ATF7IP: variants seen among roughly 807,000 people sequenced by gnomAD.
ATF7IP encodes the protein activating transcription factor 7 interacting protein.
ATF7IP carries 23 observed loss-of-function variants against 106.4 expected under a neutral mutation model. The ratio of observed to expected loss-of-function variants is 0.22; its 90% CI spans 0.16 to 0.31. The LOEUF (loss-of-function observed/expected upper bound fraction) is 0.31. ATF7IP is among the 10% of genes least tolerant of loss of function. The probability of loss-of-function intolerance (pLI) is 1.00; values close to 1 mark genes in which losing one functional copy is unlikely to be tolerated. For synonymous variants in ATF7IP, 542 were observed against 539.0 expected, an observed-to-expected ratio of 1.01 and a Z score of -0.08; for missense variants, 1,334 against 1,524.3, an observed-to-expected ratio of 0.88 and a Z score of 2.08.
At chr12:14,403,422 G>A (rs1482629258) in intron 1 of ATF7IP, among the ~76,000 whole-genome samples, 1 of 152,052 alleles carries the variant, frequency 6.6e-6, no homozygotes, top group Non-Finnish European at 1.5e-5. Flanking sequence ...TTGCCTCCTG[G>A]CCTTAATGAT....
At chr12:14,373,307 TG>T (rs1417874948) in intron 1 of ATF7IP, among the ~76,000 whole-genome samples, 2 of 54,914 alleles carry the variant, frequency 3.6e-5, no homozygotes, top group South Asian at 1.3e-3. Context: ...AGATGACACA[TG>T]TTTTTTTCTC....
At chr12:14,395,800 C>T (rs1008643032) in intron 1 of ATF7IP, among the ~76,000 whole-genome samples, 5 of 151,792 alleles carry the variant, frequency 3.3e-5, no homozygotes, top group Non-Finnish European at 7.4e-5. Context: ...TTATTCTTTC[C>T]ATTTCTCTAT....
Position 14,449,001 on chromosome 12 carries a change from TA to T in ATF7IP, c.1995+1949del, listed in dbSNP as rs567736616. The stretch of plus-strand genomic sequence containing the variant: ...TTGCCTATTTTTAAATCAAGTTCCT[TA>T]TTTTTGTTGTTGTTACTAAGTTGTA... On this transcript the variant is annotated intron_variant, in intron 6 of 14. Transcript: ENST00000261168. 1.7e-3 allele frequency among the ~76,000 whole-genome samples: 254 copies of T among 152,310 alleles called. 1 individual carries two copies. Among genetic ancestry groups the T allele is most frequent in the Admixed American group, 4.8e-3 (74 of 15,300 alleles).
chr12:14,424,253 C>A lies in ATF7IP; in HGVS notation c.338C>A (p.Ser113Tyr). The A allele has an allele frequency of 1.2e-6, 2 of 1,614,222 alleles. No homozygotes were observed. Among genetic ancestry groups the A allele is most frequent in the Non-Finnish European group, 1.7e-6 (2 of 1,180,032 alleles). ...GATGATTTAAATTGTGAACCTTTGT[C>A]TCCCCATAATATAACTCCAGAACCA... ...QDDDLNCEPL[S>Y]PHNITPEPVS... The change falls in exon 2 of 15, where the codon TCT (serine) becomes TAT (tyrosine). Residue 113 changes from serine to tyrosine, a missense_variant. Ser to Tyr is a moderately radical substitution (Grantham distance 144). Around this residue, in one of 10 missense-constraint regions of ATF7IP, gnomAD observed 438 missense variants for 405.3 expected, o/e 1.08. Transcript: ENST00000261168.
intron 13 of ATF7IP, among the ~76,000 whole-genome samples, chr12:14,485,207 C>T (rs1011351085): frequency 3.3e-5 from 5 of 151,960 alleles, no homozygotes; most frequent in Non-Finnish European, 4.4e-5. Context: ...TGTTCTGGAC[C>T]GCACTCAAAA....
intron 1 of ATF7IP, among the ~76,000 whole-genome samples, chr12:14,396,938 A>G (rs1939882946): frequency 1.3e-5 from 2 of 152,162 alleles, no homozygotes; most frequent in African/African-American, 4.8e-5. Context: ...AGGCAGGTGA[A>G]TCACCTGAGG....
At chr12:14,433,823 G>A (rs1033185997) in intron 2 of ATF7IP, among the ~76,000 whole-genome samples, 2 of 152,050 alleles carry the variant, frequency 1.3e-5, no homozygotes, top group Non-Finnish European at 2.9e-5. Flanking sequence ...TATCAAAGTA[G>A]GTATATATTT....
Position 14,438,127 on chromosome 12 carries a change from T to C in ATF7IP, c.1792-3T>C, listed in dbSNP as rs766164869. 3.7e-6 allele frequency: 6 copies of C among 1,609,536 alleles called. No individual in the cohort carries two copies. The South Asian group carries it at 4.4e-5, about 12-fold the overall frequency. ...CATAATGAAGGAATATTTGTTTCTT[T>C]AGGTTATACAGTGGTTGCTGGAAGA... On this transcript the variant is annotated splice_region_variant and splice_polypyrimidine_tract_variant and intron_variant, in intron 4 of 14. Coordinates refer to ENST00000261168, the MANE Select transcript of ATF7IP (RefSeq NM_018179.5).
chr12:14,462,220 A>G (rs1419050333), intron 9 of ATF7IP, among the ~76,000 whole-genome samples: 1 of 152,104 alleles, frequency 6.6e-6, no homozygotes, highest in Non-Finnish European at 1.5e-5. Context: ...ATGTTTGCAT[A>G]GTACAGGGCA....
At chr12:14,400,658 G>T (rs1168172845) in intron 1 of ATF7IP, among the ~76,000 whole-genome samples, 1 of 151,672 alleles carries the variant, frequency 6.6e-6, no homozygotes, top group African/African-American at 2.4e-5. Context: ...ATATTCCTTT[G>T]TAAAACATGT....
At chr12:14,444,943 GAAT>G (rs1240359470) in intron 5 of ATF7IP, among the ~76,000 whole-genome samples, 1 of 150,460 alleles carries the variant, frequency 6.6e-6, no homozygotes, top group African/African-American at 2.4e-5. Context: ...AGTAAAAATA[GAAT>G]AATAATATTA....
intron 1 of ATF7IP, among the ~76,000 whole-genome samples, chr12:14,388,972 C>T (rs187519918): frequency 3.3e-5 from 5 of 152,220 alleles, no homozygotes; most frequent in East Asian, 3.9e-4. Context: ...GTTTCTTCGT[C>T]TATAAAATGG....
At chr12:14,459,695 T>G (rs11055983) in intron 8 of ATF7IP, among the ~76,000 whole-genome samples, 2,717 of 152,346 alleles carry the variant, frequency 0.018, 46 homozygotes, top group Middle Eastern at 0.065. Context: ...TTTGAGAAAC[T>G]GCTGCTCTAG....
chr12:14,391,302 G>C (rs1022331891), intron 1 of ATF7IP, among the ~76,000 whole-genome samples: 5 of 152,212 alleles, frequency 3.3e-5, no homozygotes, highest in African/African-American at 1.2e-4. Flanking sequence ...CTGAGGAGTT[G>C]CTTCTGCATC....
chr12:14,395,175 TA>T (rs1267775086), intron 1 of ATF7IP: 1 of 152,156 alleles, frequency 6.6e-6, no homozygotes, highest in African/African-American at 2.4e-5. Context: ...CATTAGCTTT[TA>T]ATGTTTATAC....
At chr12:14,399,808 C>T (rs1465075843) in intron 1 of ATF7IP, among the ~76,000 whole-genome samples, 1 of 151,994 alleles carries the variant, frequency 6.6e-6, no homozygotes, top group East Asian at 1.9e-4. Context: ...GATTTGGCAC[C>T]TGACCTTTTG....
At chr12:14,435,608 A>T (rs1035561399) in intron 3 of ATF7IP, among the ~76,000 whole-genome samples, 1 of 152,216 alleles carries the variant, frequency 6.6e-6, no homozygotes, top group Admixed American at 6.5e-5. Flanking sequence ...ATTCATTAGG[A>T]TATGTTAAGA....
chr12:14,397,149 C>T (rs369385055), intron 1 of ATF7IP, among the ~76,000 whole-genome samples: 16 of 151,774 alleles, frequency 1.1e-4, no homozygotes, highest in East Asian at 7.8e-4. Flanking sequence ...GCAACAAGAG[C>T]GAAACTCCGT....
rs1945161242 is a variant in ATF7IP, at chr12:14,501,604, TAA to T, written c.*3532_*3533del. 1 of 152,184 alleles carries T rather than the reference TAA, an allele frequency of 6.6e-6. No homozygotes were observed. Among genetic ancestry groups the T allele is most frequent in the Non-Finnish European group, 1.5e-5 (1 of 68,010 alleles). The allele number at this position is 152,184 out of a possible 1,614,324, so 9.4% of individuals were successfully genotyped here. ...ACTGCATACTGTTTAAGGTAGTATA[TAA>T]GTTTATGAGAGAAGTGGAGAGCTTT... On this transcript the variant is annotated 3_prime_UTR_variant, in exon 15 of 15. Transcript: ENST00000261168.
Sources: gnomAD v4.1 joint callset for allele counts (sites outside exome capture counted in the v4.1 genomes callset) on GRCh38, gnomAD v4.1.1 for gene constraint, gnomAD v4.1.1 regional missense constraint, MANE v1.5 for transcripts, NCBI Gene and HGNC (gene_info 2026-07-23, HGNC 2026-07-21) for gene names.